Variants in EYA4 observed in about 807,000 individuals in gnomAD.
EYA4 encodes the protein protein phosphatase EYA4.
Under a neutral mutation model 87.9 loss-of-function variants are expected in EYA4, and 31 were observed. That is an observed-to-expected ratio of 0.35 (90% CI 0.27 to 0.48). The LOEUF is 0.48. Among genes scored for constraint, EYA4 ranks in the 20% least tolerant of loss-of-function variants. The probability of loss-of-function intolerance (pLI) is 0.99; values close to 1 mark genes in which losing one functional copy is unlikely to be tolerated. For synonymous variants in EYA4, 263 were observed against 270.6 expected (o/e 0.97, Z 0.28); for missense variants, 678 against 761.4 (o/e 0.89, Z 1.29).
chr6:133,286,792 G>A (rs1778096086), intron 2 of EYA4, among the ~76,000 whole-genome samples: 1 of 152,114 alleles, frequency 6.6e-6, no homozygotes, highest in Non-Finnish European at 1.5e-5. Context: ...TCATTGCTTT[G>A]TTTGTAGATG....
chr6:133,474,527 G>A (rs949037288), intron 11 of EYA4, among the ~76,000 whole-genome samples: 2 of 152,036 alleles, frequency 1.3e-5, no homozygotes, highest in African/African-American at 4.8e-5. Context: ...AATATAGTTT[G>A]ACATCATTTT....
chr6:133,389,449 C>G (rs529917273), intron 3 of EYA4, among the ~76,000 whole-genome samples: 1 of 152,190 alleles, frequency 6.6e-6, no homozygotes. Flanking sequence ...TCATATCTGC[C>G]TTTGTTCACC....
intron 3 of EYA4, among the ~76,000 whole-genome samples, chr6:133,441,369 A>G (rs1792271757): frequency 6.6e-6 from 1 of 152,226 alleles, no homozygotes; most frequent in Non-Finnish European, 1.5e-5. Context: ...CAATATAGAG[A>G]TACATACTGT....
At chr6:133,466,335 A>G (rs1412423441) in intron 10 of EYA4, among the ~76,000 whole-genome samples, 1 of 152,204 alleles carries the variant, frequency 6.6e-6, no homozygotes, top group Non-Finnish European at 1.5e-5. Flanking sequence ...AGATTTAAAT[A>G]TAGTGGATCC....
chr6:133,382,559 A>G, intron 3 of EYA4, 118 bp downstream of exon 3: 2 of 801,792 alleles, frequency 2.5e-6, no homozygotes, highest in Non-Finnish European at 4.5e-6. Flanking sequence ...TGAAGAACTT[A>G]TCTTGATGGA....
chr6:133,416,777 T>C (rs940632489), intron 3 of EYA4, among the ~76,000 whole-genome samples: 1 of 152,146 alleles, frequency 6.6e-6, no homozygotes, highest in African/African-American at 2.4e-5. Flanking sequence ...AAATTGCATA[T>C]TCTCTTTGTG....
chr6:133,273,494 C>A (rs1166532054), intron 1 of EYA4, among the ~76,000 whole-genome samples: 1 of 152,122 alleles, frequency 6.6e-6, no homozygotes. Context: ...TCAGTATTAA[C>A]CACCACAGTG....
chr6:133,290,970 T>C (rs1277920902), intron 2 of EYA4, among the ~76,000 whole-genome samples: 1 of 152,198 alleles, frequency 6.6e-6, no homozygotes, highest in African/African-American at 2.4e-5. Flanking sequence ...GCTTTTGAGT[T>C]TCTACTACAA....
At chr6:133,305,375 C>G (rs970770949) in intron 2 of EYA4, among the ~76,000 whole-genome samples, 1 of 151,954 alleles carries the variant, frequency 6.6e-6, no homozygotes, top group Non-Finnish European at 1.5e-5. Flanking sequence ...GGCAAGGGCA[C>G]GAGGAAGACC....
intron 3 of EYA4, among the ~76,000 whole-genome samples, chr6:133,425,707 A>G (rs777865880): frequency 3.3e-5 from 5 of 150,560 alleles, no homozygotes; most frequent in Non-Finnish European, 7.4e-5. Context: ...TTTAGCTCTA[A>G]CTATCTCTTA....
intron 1 of EYA4, among the ~76,000 whole-genome samples, chr6:133,273,743 G>C (rs1776929943): frequency 6.6e-6 from 1 of 152,132 alleles, no homozygotes; most frequent in Admixed American, 6.6e-5. Flanking sequence ...TTGTGAATTT[G>C]AACACAGTTT....
chr6:133,252,486 G>A (rs1371737163), intron 1 of EYA4, among the ~76,000 whole-genome samples: 2 of 152,134 alleles, frequency 1.3e-5, no homozygotes, highest in African/African-American at 4.8e-5. Flanking sequence ...TGGGTTTGAT[G>A]TTGACCAATA....
chr6:133,438,319 G>A (rs1791902298), intron 3 of EYA4, among the ~76,000 whole-genome samples: 1 of 150,950 alleles, frequency 6.6e-6, no homozygotes, highest in African/African-American at 2.4e-5. Context: ...TGTTTTTCAG[G>A]GGTAACATTT....
chr6:133,391,222 G>GTTTTTGTTTTTGT (rs1554246224), intron 3 of EYA4, among the ~76,000 whole-genome samples: 56 of 89,830 alleles, frequency 6.2e-4, no homozygotes, highest in African/African-American at 1.9e-3. Context: ...TTTTGTTTTT[G>GTTTTTGTTTTTGT]TTTTTTTTTT....
intron 2 of EYA4, among the ~76,000 whole-genome samples, chr6:133,289,235 G>A (rs950707736): frequency 4.6e-5 from 7 of 152,258 alleles, no homozygotes; most frequent in Admixed American, 6.5e-5. Context: ...TTAAGAGAAC[G>A]TGGATATCCT....
chr6:133,437,095 G>A (rs1410839415), intron 3 of EYA4, among the ~76,000 whole-genome samples: 1 of 151,918 alleles, frequency 6.6e-6, no homozygotes, highest in African/African-American at 2.4e-5. Context: ...TTATGACTAA[G>A]TTCATTTTTT....
At chr6:133,242,828 C>T (rs1685501836) in intron 1 of EYA4, among the ~76,000 whole-genome samples, 1 of 152,092 alleles carries the variant, frequency 6.6e-6, no homozygotes, top group African/African-American at 2.4e-5. Flanking sequence ...TCACCACCAC[C>T]CCTCTTTCTC....
At chr6:133,492,993 G>A (rs1797318483) in intron 13 of EYA4, among the ~76,000 whole-genome samples, 1 of 152,098 alleles carries the variant, frequency 6.6e-6, no homozygotes, top group Non-Finnish European at 1.5e-5. Context: ...TCATGGACTA[G>A]AAGAATCAAT....
At chr6:133,254,290 T>C (rs1775161579) in intron 1 of EYA4, among the ~76,000 whole-genome samples, 1 of 152,204 alleles carries the variant, frequency 6.6e-6, no homozygotes, top group Non-Finnish European at 1.5e-5. Flanking sequence ...GAAGAATTTT[T>C]AACCCTCAGA....
Sources: allele counts gnomAD v4.1 joint callset (sites outside exome capture counted in the v4.1 genomes callset), GRCh38; gene constraint gnomAD v4.1.1; transcripts MANE v1.5; gene names NCBI Gene and HGNC (gene_info 2026-07-23, HGNC 2026-07-21).